The following FAM228B variants were observed in gnomAD, a reference collection of about 807,000 sequenced individuals.
FAM228B encodes the protein family with sequence similarity 228 member B, also known as protein FAM228B.
In FAM228B, 38 loss-of-function variants were observed where a neutral mutation model predicts 42.6. The ratio of observed to expected loss-of-function variants is 0.89; its 90% CI spans 0.69 to 1.17. The LOEUF (loss-of-function observed/expected upper bound fraction) is 1.17, where lower values mean the gene tolerates loss of function less well. Among genes scored for constraint, FAM228B ranks in the 50% most tolerant of loss-of-function variants. The pLI, the probability that FAM228B is intolerant of heterozygous loss-of-function variation, is 0.00. For missense variants in FAM228B, 344 were observed against 367.3 expected (o/e 0.94, Z 0.52); for synonymous variants, 109 against 122.3 (o/e 0.89, Z 0.72).
At chr2:24,100,740 T>G (rs55816106) in intron 3 of FAM228B, among the ~76,000 whole-genome samples, 1 of 152,050 alleles carries the variant, frequency 6.6e-6, no homozygotes, top group Non-Finnish European at 1.5e-5. Flanking sequence ...AATTATCATT[T>G]GACCCAGCAA....
At chr2:24,105,331 G>A (rs978938747) in intron 3 of FAM228B, among the ~76,000 whole-genome samples, 4 of 152,172 alleles carry the variant, frequency 2.6e-5, no homozygotes, top group Non-Finnish European at 5.9e-5. Context: ...TAATTGGAAG[G>A]GGCTCCTCCA....
chr2:24,080,908 T>C lies in FAM228B; in HGVS notation c.-257T>C. 6.2e-7 allele frequency: 1 copy of C among 1,614,230 alleles called. No homozygotes were observed. The highest frequency in any genetic ancestry group is 8.5e-7 in the Non-Finnish European group (1 of 1,180,036). On this transcript the variant is annotated 5_prime_UTR_variant, in exon 2 of 11. Coordinates refer to the FAM228B transcript ENST00000613899. The surrounding 1 kb of genome is among the most constrained non-coding windows in gnomAD (Gnocchi z 4.7). ...TCCAAGCTTTTCTGCCATTTGAAGCTTCTTCTGGGAGCCAGCTGTGACCAG... is the reference window on the plus strand; with the variant it reads ...TCCAAGCTTTTCTGCCATTTGAAGCCTCTTCTGGGAGCCAGCTGTGACCAG...
chr2:24,147,801 C>T (rs1167216828), intron 7 of FAM228B, among the ~76,000 whole-genome samples: 1 of 151,922 alleles, frequency 6.6e-6, no homozygotes, highest in Non-Finnish European at 1.5e-5. Flanking sequence ...CCACTAGATT[C>T]TTTACCATAT....
intron 5 of FAM228B, among the ~76,000 whole-genome samples, chr2:24,141,699 G>A (rs1402577379): frequency 6.6e-6 from 1 of 152,186 alleles, no homozygotes; most frequent in African/African-American, 2.4e-5. Flanking sequence ...TTTTAAAATG[G>A]TATTTAGGGG....
At chr2:24,090,260 T>G (rs1416485367) in intron 2 of FAM228B, among the ~76,000 whole-genome samples, 1 of 151,378 alleles carries the variant, frequency 6.6e-6, no homozygotes, top group Non-Finnish European at 1.5e-5. Context: ...AGAGTGAGAC[T>G]CCGTCTCAAA....
chr2:24,086,930 C>A (rs1293078330), intron 2 of FAM228B, among the ~76,000 whole-genome samples: 1 of 151,982 alleles, frequency 6.6e-6, no homozygotes, highest in South Asian at 2.1e-4. Context: ...TTGCAAAAAT[C>A]GACACTAAAA....
chr2:24,117,262 C>T (rs1665950985), intron 3 of FAM228B, among the ~76,000 whole-genome samples: 1 of 152,014 alleles, frequency 6.6e-6, no homozygotes, highest in Non-Finnish European at 1.5e-5. Flanking sequence ...ATGATCTACC[C>T]ACCTTGGCCT....
chr2:24,144,043 C>T (rs1232107627), intron 5 of FAM228B, among the ~76,000 whole-genome samples: 1 of 151,948 alleles, frequency 6.6e-6, no homozygotes, highest in Non-Finnish European at 1.5e-5. Context: ...GTTACAATAC[C>T]TCCATTTATG....
At chr2:24,113,823 G>A (rs1354900502) in intron 3 of FAM228B, among the ~76,000 whole-genome samples, 1 of 152,024 alleles carries the variant, frequency 6.6e-6, no homozygotes, top group Non-Finnish European at 1.5e-5. Flanking sequence ...GTTGCAGTGA[G>A]CCGAGATTGC....
intron 2 of FAM228B, 31 bp downstream of exon 2, chr2:24,124,491 T>C (rs749463916): frequency 1.4e-6 from 2 of 1,406,310 alleles, no homozygotes; most frequent in South Asian, 2.7e-5. Context: ...GATTTGGAGA[T>C]TTTTTTACTT....
intron 8 of FAM228B, among the ~76,000 whole-genome samples, chr2:24,163,706 ATCT>A (rs1402277027): frequency 1.3e-5 from 2 of 152,180 alleles, no homozygotes; most frequent in African/African-American, 4.8e-5. Flanking sequence ...TCTCAAATAC[ATCT>A]TCTAGCAAAG....
chr2:24,128,921 ATT>A (rs34420034), intron 2 of FAM228B, among the ~76,000 whole-genome samples: 51 of 147,078 alleles, frequency 3.5e-4, no homozygotes, highest in Admixed American at 3.0e-3. Flanking sequence ...AACTATGGGA[ATT>A]TTTTTTTTTT....
At chr2:24,120,275 A>AC (rs568657861), upstream of FAM228B, among the ~76,000 whole-genome samples, 5 of 134,674 alleles carry the variant, frequency 3.7e-5, no homozygotes, top group South Asian at 2.6e-4. Context: ...TCTCAAAAAA[A>AC]AAAACAACAA....
At chr2:24,116,470 G>T (rs1034672322) in intron 3 of FAM228B, among the ~76,000 whole-genome samples, 1 of 152,124 alleles carries the variant, frequency 6.6e-6, no homozygotes, top group Admixed American at 6.5e-5. Flanking sequence ...AGGGCTACAG[G>T]TGCACTCCAC....
chr2:24,164,473 T>G (rs77751063), intron 9 of FAM228B, 138 bp downstream of exon 9: 1 of 950,548 alleles, frequency 1.1e-6, no homozygotes, highest in African/African-American at 1.7e-5. Context: ...TAGAAGCAGC[T>G]GAGGGGCAGG....
upstream of FAM228B, chr2:24,119,830 T>C: frequency 1.7e-6 from 1 of 603,014 alleles, no homozygotes; most frequent in Non-Finnish European, 2.8e-6. Context: ...ATTTTCCATA[T>C]GTTTATATAT....
At chr2:24,131,675 A>G (rs1666457105) in intron 2 of FAM228B, among the ~76,000 whole-genome samples, 1 of 152,166 alleles carries the variant, frequency 6.6e-6, no homozygotes, top group Admixed American at 6.5e-5. Context: ...TTGCACATCG[A>G]TTTTGTATTC....
intron 3 of FAM228B, chr2:24,115,673 A>C: frequency 4.5e-6 from 7 of 1,545,908 alleles, no homozygotes; most frequent in Non-Finnish European, 6.2e-6. Flanking sequence ...CAAATGATTC[A>C]TTCATCCATT....
At chr2:24,112,201 C>T (rs1665808344) in intron 3 of FAM228B, among the ~76,000 whole-genome samples, 1 of 151,842 alleles carries the variant, frequency 6.6e-6, no homozygotes, top group African/African-American at 2.4e-5. Context: ...AATGTCAACT[C>T]TATGCATTAA....
Sources: gnomAD v4.1 joint callset for allele counts (sites outside exome capture counted in the v4.1 genomes callset) on GRCh38, gnomAD v4.1.1 for gene constraint, Gnocchi (gnomAD v3.1) non-coding constraint, MANE v1.5 for transcripts, NCBI Gene and HGNC (gene_info 2026-07-23, HGNC 2026-07-21) for gene names.